Variants in ZBBX observed in about 807,000 individuals in gnomAD.
The protein encoded by ZBBX is zinc finger B-box domain containing, also known as zinc finger B-box domain-containing protein 1.
Under a neutral mutation model 108.5 loss-of-function variants are expected in ZBBX, and 101 were observed. The ratio of observed to expected loss-of-function variants is 0.93; its 90% CI spans 0.79 to 1.10. ZBBX has a LOEUF of 1.10. Ranked by LOEUF, ZBBX falls within the 50% of genes least tolerant of loss-of-function variation. The probability of loss-of-function intolerance (pLI) is 0.00; values close to 1 mark genes in which losing one functional copy is unlikely to be tolerated. For synonymous variants in ZBBX, 356 were observed against 323.4 expected (o/e 1.10, Z -1.08); for missense variants, 1,009 against 941.4 (o/e 1.07, Z -0.94).
At chr3:167,249,824 T>C (rs1722263929) in intron 20 of ZBBX, among the ~76,000 whole-genome samples, 1 of 152,168 alleles carries the variant, frequency 6.6e-6, no homozygotes, top group African/African-American at 2.4e-5. Flanking sequence ...GAGAAGGGGA[T>C]GAATATTATC....
chr3:167,368,427 G>T, intron 5 of ZBBX, 34 bp downstream of exon 5: 1 of 1,428,834 alleles, frequency 7.0e-7, no homozygotes, highest in South Asian at 1.2e-5. Context: ...TAATTTAGTT[G>T]ATTCATCTAA....
At chr3:167,375,806 T>C (rs998917288) in intron 2 of ZBBX, among the ~76,000 whole-genome samples, 1 of 152,200 alleles carries the variant, frequency 6.6e-6, no homozygotes, top group South Asian at 2.1e-4. Flanking sequence ...TAGGAATTTA[T>C]TCTCTAAATA....
intron 11 of ZBBX, among the ~76,000 whole-genome samples, chr3:167,323,466 C>T (rs1158349242): frequency 6.6e-6 from 1 of 152,046 alleles, no homozygotes; most frequent in Non-Finnish European, 1.5e-5. Flanking sequence ...ACTGGACCTA[C>T]AGGCAAATGA....
At chr3:167,184,342 T>C in the ZBBX span, among the ~76,000 whole-genome samples, 193 of 152,202 alleles carry the variant, frequency 1.3e-3, no homozygotes, top group African/African-American at 4.5e-3. Context: ...CTATCCAGGC[T>C]CCCTATTCTT....
chr3:167,226,224 T>C, the ZBBX span, among the ~76,000 whole-genome samples: 1 of 151,862 alleles, frequency 6.6e-6, no homozygotes, highest in African/African-American at 2.4e-5. Context: ...GTGATTCCTT[T>C]CTGCAAGACC....
intron 18 of ZBBX, among the ~76,000 whole-genome samples, chr3:167,293,116 G>C (rs1444763367): frequency 6.6e-6 from 1 of 152,148 alleles, no homozygotes; most frequent in Non-Finnish European, 1.5e-5. Flanking sequence ...AATTCTACCA[G>C]AGGTACAAAG....
At chr3:167,366,274 T>C (rs749979516) in intron 5 of ZBBX, among the ~76,000 whole-genome samples, 12 of 151,860 alleles carry the variant, frequency 7.9e-5, no homozygotes, top group Non-Finnish European at 1.2e-4. Context: ...TATTGATTTG[T>C]AGGAAACTTT....
At chr3:167,296,379 T>C (rs796137539) in intron 18 of ZBBX, among the ~76,000 whole-genome samples, 4 of 152,138 alleles carry the variant, frequency 2.6e-5, no homozygotes, top group African/African-American at 9.6e-5. Flanking sequence ...TCAATATAAG[T>C]AGCCAGAACA....
chr3:167,263,032 GTTCT>G (rs1724834812), intron 20 of ZBBX, among the ~76,000 whole-genome samples: 1 of 111,034 alleles, frequency 9.0e-6, no homozygotes, highest in Admixed American at 1.1e-4. Context: ...TGCTTTTCTA[GTTCT>G]TTTTTTTTTT....
In ZBBX at chr3:167,239,897, G is replaced by A. The variant is rs376112368; in HGVS notation, c.*896C>T. Among the ~76,000 whole-genome samples, 8 of 152,116 alleles carry A rather than the reference G, an allele frequency of 5.3e-5. No individual in the cohort carries two copies. The highest frequency in any genetic ancestry group is 1.7e-4 in the African/African-American group (7 of 41,404). On this transcript the variant is annotated 3_prime_UTR_variant, in exon 22 of 22. Transcript: ENST00000675490. ...CTCACAGTTCAGCATGGTGGGGGAG[G>A]CCTCAGGAAATCATGGTGAAAGGGG... is the stretch of plus-strand genomic sequence containing the variant.
intron 11 of ZBBX, among the ~76,000 whole-genome samples, chr3:167,322,467 T>C (rs1736606828): frequency 6.6e-6 from 1 of 152,018 alleles, no homozygotes; most frequent in Non-Finnish European, 1.5e-5. Context: ...AGGGATCTTA[T>C]GATTCAGAAG....
intron 20 of ZBBX, among the ~76,000 whole-genome samples, chr3:167,276,737 T>C (rs60943182): frequency 0.013 from 1,974 of 152,124 alleles, 48 homozygotes; most frequent in African/African-American, 0.045. Context: ...TCAGGAAATA[T>C]AGAGAACGCC....
At chr3:167,183,102 AGTGCAG>A in the ZBBX span, among the ~76,000 whole-genome samples, 2 of 152,208 alleles carry the variant, frequency 1.3e-5, no homozygotes, top group African/African-American at 4.8e-5. Context: ...ATAATGACAG[AGTGCAG>A]AAGGGTAGGG....
intron 20 of ZBBX, among the ~76,000 whole-genome samples, chr3:167,273,538 G>A (rs565019810): frequency 1.3e-5 from 2 of 152,278 alleles, no homozygotes; most frequent in East Asian, 3.9e-4. Flanking sequence ...CATGACAGGG[G>A]GAGAACTTAG....
At chr3:167,220,836 A>T in the ZBBX span, among the ~76,000 whole-genome samples, 1 of 151,974 alleles carries the variant, frequency 6.6e-6, no homozygotes, top group African/African-American at 2.4e-5. Context: ...AAGTCTAAAG[A>T]CCACCAAAAA....
At chr3:167,216,247 G>C in the ZBBX span, among the ~76,000 whole-genome samples, 1 of 152,068 alleles carries the variant, frequency 6.6e-6, no homozygotes, top group South Asian at 2.1e-4. Context: ...TCGTCTAAAA[G>C]CTCCTTCACC....
chr3:167,383,627 A>C (rs1421661716), upstream of ZBBX, among the ~76,000 whole-genome samples: 1 of 152,036 alleles, frequency 6.6e-6, no homozygotes, highest in African/African-American at 2.4e-5. Context: ...ACACAAGGCA[A>C]TTATTACTGA....
At chr3:167,311,272 G>A (rs1448431801) in intron 16 of ZBBX, among the ~76,000 whole-genome samples, 3 of 152,036 alleles carry the variant, frequency 2.0e-5, no homozygotes, top group Admixed American at 6.6e-5. Flanking sequence ...AATATATATA[G>A]ACACAGACCT....
chr3:167,369,476 TACAG>T (rs1745841705), intron 4 of ZBBX, among the ~76,000 whole-genome samples: 1 of 152,114 alleles, frequency 6.6e-6, no homozygotes, highest in Admixed American at 6.6e-5. Flanking sequence ...GAGGAAGATA[TACAG>T]AAAGTGATAG....
Sources: gnomAD v4.1 joint callset for allele counts (sites outside exome capture counted in the v4.1 genomes callset) on GRCh38, gnomAD v4.1.1 for gene constraint, MANE v1.5 for transcripts, NCBI Gene and HGNC (gene_info 2026-07-23, HGNC 2026-07-21) for gene names.